The following AOC1 variants were observed in gnomAD, a reference collection of about 807,000 sequenced individuals.
AOC1 encodes the protein diamine oxidase [copper-containing].
AOC1 carries 58 observed loss-of-function variants against 57.1 expected under a neutral mutation model. That is an observed-to-expected ratio of 1.02 (90% confidence interval 0.82 to 1.26). AOC1 has a LOEUF of 1.26. Ranked by LOEUF, AOC1 falls within the 50% of genes most tolerant of loss-of-function variation. AOC1 has a pLI of 0.00. For missense variants in AOC1, 917 were observed against 1,005.3 expected (o/e 0.91, Z 1.19); for synonymous variants, 401 against 423.4 (o/e 0.95, Z 0.65).
intron 1 of AOC1, among the ~76,000 whole-genome samples, chr7:150,854,333 G>A (rs1302261239): frequency 6.6e-6 from 1 of 152,092 alleles, no homozygotes; most frequent in Non-Finnish European, 1.5e-5. Flanking sequence ...GAAAGGGAGA[G>A]AAGGACATCT....
chr7:150,855,482 G>A (rs763480373), intron 1 of AOC1, among the ~76,000 whole-genome samples: 13 of 152,176 alleles, frequency 8.5e-5, no homozygotes, highest in Non-Finnish European at 2.9e-5. Context: ...AGCTGCTTGG[G>A]GAATGGGGTT....
At position 150,857,809 on chromosome 7, in the gene AOC1, G is replaced by A. The variant is rs766216698; in HGVS notation, c.1339G>A (p.Gly447Ser). 6.2e-7 allele frequency: 1 copy of A among 1,614,160 alleles called. No homozygotes were observed. The highest frequency in any genetic ancestry group is 1.1e-5 in the South Asian group (1 of 91,082). Residue 447 changes from glycine to serine, a missense_variant, in exon 2 of 5, where the codon GGC becomes AGC. Transcript: ENST00000360937. This position sits in a 1 kb window ranked among gnomAD's most constrained non-coding sequence, Gnocchi z 6.6. The stretch of plus-strand genomic sequence containing the variant: ...CTTCAACTTCTATGCGGGGCTGAAG[G>A]GCCAGGTGCTGGTGCTGCGGACAAC... ...GGFNFYAGLK[G>S]QVLVLRTTST...
Position 150,858,892 on chromosome 7 carries a change from T to C in AOC1, c.1700T>C (p.Phe567Ser). ...TACTCCTGGGAGCGCCAGGCGGCCT[T>C]CCGCTTCAAAAGGAAGCTGCCTAAG... ...TQYSWERQAA[F>S]RFKRKLPKYL... The change falls in exon 3 of 5, where the codon TTC becomes TCC. Residue 567 changes from phenylalanine (F) to serine (S), a missense_variant. Transcript: ENST00000360937. 1.2e-6 allele frequency: 2 copies of C among 1,613,664 alleles called. No individual in the cohort carries two copies. The highest frequency in any genetic ancestry group is 2.2e-5 in the South Asian group (2 of 91,014).
chr7:150,857,600 G>T lies in AOC1; in HGVS notation c.1130G>T (p.Gly377Val), dbSNP rs1799827940. 1 of 1,613,886 alleles carries T rather than the reference G, an allele frequency of 6.2e-7. No individual in the cohort carries two copies. Reference protein sequence around the residue: ...MQTKYLDVGWGLGSVTHELAP... With the variant: ...MQTKYLDVGWVLGSVTHELAP... ...ACCAAGTACCTCGATGTCGGCTGGGGCCTGGGCAGCGTCACTCATGAGTTA... is the reference window on the plus strand; with the variant it reads ...ACCAAGTACCTCGATGTCGGCTGGGTCCTGGGCAGCGTCACTCATGAGTTA... Residue 377 changes from glycine (G) to valine (V), a missense_variant, in exon 2 of 5, where the codon GGC becomes GTC. Coordinates refer to ENST00000360937, the MANE Select transcript of AOC1 (RefSeq NM_001091.4). The surrounding 1 kb of genome is among the most constrained non-coding windows in gnomAD (Gnocchi z 6.6).
chr7:150,853,598 C>T lies in AOC1; in HGVS notation c.-17+1040C>T, dbSNP rs187802078. 2.5e-4 allele frequency among the ~76,000 whole-genome samples: 36 copies of T among 146,690 alleles called. 1 individual carries two copies. The East Asian group carries it at 5.7e-3, about 23-fold the overall frequency. On this transcript the variant is annotated intron_variant, in intron 1 of 4. Coordinates refer to ENST00000360937, the MANE Select transcript of AOC1 (RefSeq NM_001091.4). ...TAATCCCAGCACTTTGGGAGGCCAACGCAGGAGGATCACTTGAGCCCAGGA... is the reference window on the plus strand; with the variant it reads ...TAATCCCAGCACTTTGGGAGGCCAATGCAGGAGGATCACTTGAGCCCAGGA...
chr7:150,859,078 G>T lies in AOC1; in HGVS notation c.1856+30G>T. On this transcript the variant is annotated intron_variant, in intron 3 of 4. Transcript: ENST00000360937. ...GGAAGACCCAGGGGGCCTGGGGGAG[G>T]GTCAGTGGCTTCCCTCAGTGTGTGT... 2.6e-6 allele frequency: 4 copies of T among 1,512,304 alleles called. 1 individual carries two copies. The highest frequency in any genetic ancestry group is 1.3e-5 in the South Asian group (1 of 75,492). The allele number at this position is 1,512,304 out of a possible 1,614,324, so 93.7% of individuals were successfully genotyped here.
At position 150,856,853 on chromosome 7, in the gene AOC1, T is replaced by A; in HGVS notation, c.383T>A (p.Leu128Gln). The A allele has an allele frequency of 1.2e-6, 2 of 1,614,050 alleles. No individual in the cohort carries two copies. Among genetic ancestry groups the A allele is most frequent in the Non-Finnish European group, 1.7e-6 (2 of 1,179,960 alleles). The stretch of plus-strand genomic sequence containing the variant: ...CCAGGGCCCTGCTACATGCGAGCAC[T>A]GTCCCCCAGGCCTGGGTACCAGTCC... ...PLPGPCYMRA[L>Q]SPRPGYQSSW... Residue 128 changes from leucine (L) to glutamine (Q), a missense_variant, in exon 2 of 5, where the codon CTG (leucine) becomes CAG (glutamine). Coordinates refer to ENST00000360937, the MANE Select transcript of AOC1 (RefSeq NM_001091.4). This position sits in a 1 kb window ranked among gnomAD's most constrained non-coding sequence, Gnocchi z 5.2.
chr7:150,860,803 G>C (rs1799947139), intron 4 of AOC1, 140 bp from the exon 5 acceptor site: 4 of 1,366,768 alleles, frequency 2.9e-6, no homozygotes, highest in African/African-American at 2.9e-5. Context: ...GGTCACAACA[G>C]AGCTGCTCAT....
Position 150,856,327 on chromosome 7 carries a change from C to G in AOC1, c.-16-128C>G, listed in dbSNP as rs981556552. The G allele has an allele frequency of 1.6e-6, 2 of 1,234,050 alleles. No individual in the cohort carries two copies. Among genetic ancestry groups the G allele is most frequent in the Non-Finnish European group, 2.2e-6 (2 of 910,778 alleles). The allele number at this position is 1,234,050 out of a possible 1,614,324, so 76.4% of individuals were successfully genotyped here. A position where few individuals can be genotyped will look rare whatever the true frequency, so the allele number is the denominator to read the frequency against. ...GCATGGGGCCCCAGCTGCCCCAGGA[C>G]AGCCTCCAGCTTGGGGCAGGGCAAG... On this transcript the variant is annotated intron_variant, in intron 1 of 4. Transcript: ENST00000360937. The surrounding 1 kb of genome is among the most constrained non-coding windows in gnomAD (Gnocchi z 5.2).
chr7:150,856,914 T>A lies in AOC1; in HGVS notation c.444T>A (p.Tyr148Ter). Residue 148 changes from tyrosine to a stop codon, truncating the protein, a stop_gained, in exon 2 of 5, where the codon TAT becomes TAA. Transcript: ENST00000360937. LOFTEE classifies it high-confidence loss of function. The surrounding 1 kb of genome is among the most constrained non-coding windows in gnomAD (Gnocchi z 5.2). ...CGAGGCCCATCTCCACAGCAGAGTA[T>A]GCCCTCCTCTACCACACCCTGCAGG... ...WASRPISTAE[Y>*]ALLYHTLQEA... 6.2e-7 allele frequency: 1 copy of A among 1,614,102 alleles called. No homozygotes were observed. Among genetic ancestry groups the A allele is most frequent in the East Asian group, 2.2e-5 (1 of 44,882 alleles).
intron 2 of AOC1, 69 bp from the exon 3 acceptor site, chr7:150,858,693 TG>T: frequency 2.0e-6 from 3 of 1,472,626 alleles, no homozygotes; most frequent in Non-Finnish European, 1.8e-6. Context: ...ATGGAGATCC[TG>T]GGGTAGAATG....
At position 150,857,221 on chromosome 7, in the gene AOC1, C is replaced by T. The variant is rs369508978; in HGVS notation, c.751C>T (p.Arg251Trp). 21 of 1,612,476 alleles carry T rather than the reference C, an allele frequency of 1.3e-5. No individual in the cohort carries two copies. Among genetic ancestry groups the T allele is most frequent in the African/African-American group, 9.3e-5 (7 of 74,922 alleles). The change falls in exon 2 of 5, where the codon CGG becomes TGG. Residue 251 changes from arginine to tryptophan, a missense_variant. By Grantham distance (101) the Arg-to-Trp change is moderately radical. Transcript: ENST00000360937. The surrounding 1 kb of genome is among the most constrained non-coding windows in gnomAD (Gnocchi z 6.6). ...KFYGSPEELA[R>W]KYADGEVDVV... is the part of the protein sequence containing the mutation. ...CTATGGGAGCCCAGAGGAACTGGCT[C>T]GGAAGTATGCAGATGGAGAGGTGGA... is the stretch of plus-strand genomic sequence containing the variant.
In AOC1 at chr7:150,856,896, C is replaced by T. The variant is rs771115368; in HGVS notation, c.426C>T (p.Pro142=). 7 of 1,614,002 alleles carry T rather than the reference C, an allele frequency of 4.3e-6. No individual in the cohort carries two copies. The highest frequency in any genetic ancestry group is 3.3e-4 in the Middle Eastern group (2 of 6,084). Residue 142 remains proline (P), a synonymous_variant, in exon 2 of 5, where the codon CCC becomes CCT. Coordinates refer to ENST00000360937, the MANE Select transcript of AOC1 (RefSeq NM_001091.4). This position sits in a 1 kb window ranked among gnomAD's most constrained non-coding sequence, Gnocchi z 5.2. ...ACCAGTCCTCCTGGGCATCGAGGCC[C>T]ATCTCCACAGCAGAGTATGCCCTCC... The part of the protein sequence containing the change: ...PGYQSSWASR[P]ISTAEYALLY...
chr7:150,861,287 C>A lies in AOC1; in HGVS notation c.*78C>A. 6.9e-7 allele frequency: 1 copy of A among 1,445,074 alleles called. No individual in the cohort carries two copies. Among genetic ancestry groups the A allele is most frequent in the Non-Finnish European group, 9.2e-7 (1 of 1,081,280 alleles). The allele number at this position is 1,445,074 out of a possible 1,614,324, so 89.5% of individuals were successfully genotyped here. ...GGGGCAGACAATAAACCCTCAGAGC[C>A]TCGCTCTGTGTGCTGCTTCTTGCGG... On this transcript the variant is annotated 3_prime_UTR_variant, in exon 5 of 5. Coordinates refer to ENST00000360937, the MANE Select transcript of AOC1 (RefSeq NM_001091.4). This position sits in a 1 kb window ranked among gnomAD's most constrained non-coding sequence, Gnocchi z 4.5.
intron 2 of AOC1, 90 bp downstream of exon 2, chr7:150,858,130 G>T (rs1799852707): frequency 1.4e-6 from 2 of 1,453,034 alleles, no homozygotes; most frequent in Admixed American, 2.4e-5. Flanking sequence ...ACTCCCTGGT[G>T]GTGGAAAGTT....
chr7:150,858,989 C>T lies in AOC1; in HGVS notation c.1797C>T (p.Ser599=), dbSNP rs1277617261. ...HKRTYRLQIH[S]MADQVLPPGW... is the part of the protein sequence containing the mutation. ...GCACGTACCGCCTGCAGATCCACTC[C>T]ATGGCCGACCAGGTGCTGCCCCCAG... is the stretch of plus-strand genomic sequence containing the variant. The change falls in exon 3 of 5, where the codon TCC becomes TCT. Residue 599 remains serine, a synonymous_variant. Transcript: ENST00000360937. 6.3e-7 allele frequency: 1 copy of T among 1,598,014 alleles called. No individual in the cohort carries two copies. The highest frequency in any genetic ancestry group is 8.6e-7 in the Non-Finnish European group (1 of 1,168,162).
At position 150,857,252 on chromosome 7, in the gene AOC1, T is replaced by G; in HGVS notation, c.782T>G (p.Val261Gly). The change falls in exon 2 of 5, where the codon GTG (valine) becomes GGG (glycine). Residue 261 changes from valine to glycine, a missense_variant. By Grantham distance (109) the Val-to-Gly change is moderately radical. Transcript: ENST00000360937. This position sits in a 1 kb window ranked among gnomAD's most constrained non-coding sequence, Gnocchi z 6.6. ...RKYADGEVDV[V>G]VLEDPLPGGK... ...TATGCAGATGGAGAGGTGGACGTGG[T>G]GGTCCTGGAGGACCCGCTGCCTGGG... The G allele has an allele frequency of 6.2e-7, 1 of 1,611,276 alleles. No homozygotes were observed. The highest frequency in any genetic ancestry group is 8.5e-7 in the Non-Finnish European group (1 of 1,178,574).
Position 150,861,163 on chromosome 7 carries a change from C to T in AOC1, c.2210C>T (p.Ser737Leu), listed in dbSNP as rs377702850. Residue 737 changes from serine to leucine, a missense_variant, in exon 5 of 5, where the codon TCG (serine) becomes TTG (leucine). Ser to Leu is a moderately radical substitution (Grantham distance 145). Transcript: ENST00000360937. This position sits in a 1 kb window ranked among gnomAD's most constrained non-coding sequence, Gnocchi z 4.5. Reference protein sequence around the residue: ...QRWIPEDRDCSMPPPFSYNGT... With the variant: ...QRWIPEDRDCLMPPPFSYNGT... ...TGGATCCCTGAGGACAGGGACTGCT[C>T]GATGCCTCCCCCTTTTAGCTACAAT... 2.0e-5 allele frequency: 32 copies of T among 1,610,042 alleles called. No homozygotes were observed. In the African/African-American group the frequency reaches 3.1e-4, roughly 15 times the overall value.
chr7:150,858,755 A>G lies in AOC1; in HGVS notation c.1571-8A>G. ...ATTCTCGTTCTCCTTCTCCCTGCAT[A>G]CCTCCAGGCACCAAGAACAGCTTCC... On this transcript the variant is annotated splice_region_variant and splice_polypyrimidine_tract_variant and intron_variant, in intron 2 of 4. Transcript: ENST00000360937. 1 of 1,585,752 alleles carries G rather than the reference A, an allele frequency of 6.3e-7. No homozygotes were observed. Among genetic ancestry groups the G allele is most frequent in the South Asian group, 1.1e-5 (1 of 89,428 alleles).
Sources: allele counts gnomAD v4.1 joint callset (sites outside exome capture counted in the v4.1 genomes callset), GRCh38; gene constraint gnomAD v4.1.1; non-coding constraint Gnocchi (gnomAD v3.1); transcripts MANE v1.5; gene names NCBI Gene and HGNC (gene_info 2026-07-23, HGNC 2026-07-21).